Variants in SPATA17 observed in about 807,000 individuals in gnomAD.
SPATA17 encodes the protein spermatogenesis associated 17, also known as spermatogenesis-associated protein 17.
SPATA17 carries 53 observed loss-of-function variants against 62.2 expected under a neutral mutation model. That is an observed-to-expected ratio of 0.85 (90% CI 0.68 to 1.07). The LOEUF (loss-of-function observed/expected upper bound fraction) is 1.07, where lower values mean the gene tolerates loss of function less well. Ranked by LOEUF, SPATA17 falls within the 50% of genes least tolerant of loss-of-function variation. SPATA17 has a pLI of 0.00. For missense variants in SPATA17, 466 were observed against 425.5 expected (o/e 1.10, Z -0.84); for synonymous variants, 146 against 146.8 (o/e 0.99, Z 0.04).
intron 9 of SPATA17, among the ~76,000 whole-genome samples, chr1:217,838,089 A>G (rs977045665): frequency 6.6e-5 from 10 of 152,152 alleles, no homozygotes; most frequent in African/African-American, 2.4e-4. Flanking sequence ...TATTATAGAT[A>G]TCTTGGGTTA....
intron 3 of SPATA17, among the ~76,000 whole-genome samples, chr1:217,652,647 C>T (rs916556922): frequency 5.3e-5 from 8 of 152,066 alleles, no homozygotes; most frequent in Non-Finnish European, 7.4e-5. Context: ...TTCTGCTTAA[C>T]ATTTTGGAAA....
intron 8 of SPATA17, among the ~76,000 whole-genome samples, chr1:217,799,417 C>T (rs1571813240): frequency 6.6e-6 from 1 of 152,172 alleles, no homozygotes; most frequent in East Asian, 1.9e-4. Flanking sequence ...CGCAGCACCT[C>T]CTTTGTATAC....
At chr1:217,735,586 A>G (rs1469299097) in intron 5 of SPATA17, among the ~76,000 whole-genome samples, 1 of 152,186 alleles carries the variant, frequency 6.6e-6, no homozygotes, top group Non-Finnish European at 1.5e-5. Flanking sequence ...CATACCTACA[A>G]CTATAATGTG....
intron 5 of SPATA17, among the ~76,000 whole-genome samples, chr1:217,709,547 G>C (rs919568824): frequency 2.6e-5 from 4 of 152,174 alleles, no homozygotes; most frequent in Admixed American, 2.0e-4. Flanking sequence ...GAGCACCCAA[G>C]ATGGAAGCTA....
chr1:217,762,798 C>A lies in SPATA17; in HGVS notation c.520-11536C>A, dbSNP rs1051111454. Among the ~76,000 whole-genome samples, 22 of 152,226 alleles carry A rather than the reference C, an allele frequency of 1.4e-4. 1 individual carries two copies. The highest frequency in any genetic ancestry group is 2.6e-4 in the Non-Finnish European group (18 of 68,012). The stretch of plus-strand genomic sequence containing the variant: ...ACCAGCCTGGCCAACGTGGTGAAAC[C>A]CCATGTCTACTAAAAACACAAAAAT... On this transcript the variant is annotated intron_variant, in intron 6 of 10. Transcript: ENST00000366933.
intron 9 of SPATA17, among the ~76,000 whole-genome samples, chr1:217,858,462 A>G (rs920402333): frequency 4.6e-5 from 7 of 152,230 alleles, no homozygotes; most frequent in African/African-American, 1.4e-4. Context: ...ACAAAACAGA[A>G]TGAGTTAGCA....
intron 9 of SPATA17, among the ~76,000 whole-genome samples, chr1:217,805,851 T>C (rs1264734367): frequency 1.3e-5 from 2 of 152,214 alleles, no homozygotes; most frequent in East Asian, 3.9e-4. Flanking sequence ...ATTGTTAAAA[T>C]GTCCATACAA....
intron 8 of SPATA17, among the ~76,000 whole-genome samples, chr1:217,790,450 T>G (rs1285375246): frequency 6.6e-6 from 1 of 151,136 alleles, no homozygotes; most frequent in East Asian, 1.9e-4. Context: ...TCACTTTTAT[T>G]TTTTTTTTGA....
chr1:217,684,280 C>G (rs1173283486), intron 5 of SPATA17, among the ~76,000 whole-genome samples: 1 of 152,012 alleles, frequency 6.6e-6, no homozygotes, highest in Non-Finnish European at 1.5e-5. Context: ...ATGCCCCATT[C>G]TAATAACATA....
chr1:217,765,056 G>A (rs537365436), intron 6 of SPATA17, among the ~76,000 whole-genome samples: 175 of 152,144 alleles, frequency 1.2e-3, no homozygotes, highest in Non-Finnish European at 2.1e-3. Context: ...TGTGGGCATG[G>A]AGTCATTTAT....
chr1:217,640,480 G>A (rs532226829), intron 1 of SPATA17, among the ~76,000 whole-genome samples: 36 of 152,178 alleles, frequency 2.4e-4, no homozygotes, highest in Non-Finnish European at 4.9e-4. Context: ...ATTTTTAATA[G>A]CATCAAAATG....
At chr1:217,779,913 A>T (rs1419105365) in intron 7 of SPATA17, among the ~76,000 whole-genome samples, 1 of 152,120 alleles carries the variant, frequency 6.6e-6, no homozygotes, top group African/African-American at 2.4e-5. Context: ...GCAGAACATA[A>T]ATATATTTGA....
chr1:217,829,573 A>G (rs1160791151), intron 9 of SPATA17, among the ~76,000 whole-genome samples: 1 of 131,606 alleles, frequency 7.6e-6, no homozygotes, highest in Non-Finnish European at 1.6e-5. Context: ...GGTTGCAGTG[A>G]GCCGAGATTG....
chr1:217,688,460 C>G (rs573523076), intron 5 of SPATA17, among the ~76,000 whole-genome samples: 1 of 152,246 alleles, frequency 6.6e-6, no homozygotes, highest in South Asian at 2.1e-4. Context: ...TAAGAGAGAT[C>G]TCTTTTAAGT....
chr1:217,848,594 C>T (rs1675578897), intron 9 of SPATA17, among the ~76,000 whole-genome samples: 2 of 152,104 alleles, frequency 1.3e-5, no homozygotes, highest in Non-Finnish European at 2.9e-5. Flanking sequence ...TCTCCACACC[C>T]TGTAAAAATC....
rs933520020 is a variant in SPATA17, at chr1:217,732,869, G to A, written c.396-9106G>A. The stretch of plus-strand genomic sequence containing the variant: ...GTCATTATTAATTATTTGACATCAC[G>A]CATATATAAAATTTTACTTCCTTTT... On this transcript the variant is annotated intron_variant, in intron 5 of 10. Coordinates refer to ENST00000366933, the MANE Select transcript of SPATA17 (RefSeq NM_138796.4). 1.1e-4 allele frequency among the ~76,000 whole-genome samples: 16 copies of A among 151,956 alleles called. No homozygotes were observed. The Middle Eastern group carries it at 0.01, about 97-fold the overall frequency.
At chr1:217,700,645 G>C (rs773249565) in intron 5 of SPATA17, among the ~76,000 whole-genome samples, 2 of 151,392 alleles carry the variant, frequency 1.3e-5, no homozygotes, top group Non-Finnish European at 2.9e-5. Context: ...GGAGTGCAAT[G>C]GTGCGATCTC....
At chr1:217,850,947 G>A (rs1446701131) in intron 9 of SPATA17, among the ~76,000 whole-genome samples, 1 of 152,122 alleles carries the variant, frequency 6.6e-6, no homozygotes, top group Non-Finnish European at 1.5e-5. Flanking sequence ...GGCATTCAGG[G>A]TAGGGAAATT....
chr1:217,715,822 G>A (rs1205270086), intron 5 of SPATA17, among the ~76,000 whole-genome samples: 1 of 152,164 alleles, frequency 6.6e-6, no homozygotes, highest in South Asian at 2.1e-4. Context: ...TGTTCCCAGT[G>A]ATGATCATCA....
Sources: gnomAD v4.1 joint callset for allele counts (sites outside exome capture counted in the v4.1 genomes callset) on GRCh38, gnomAD v4.1.1 for gene constraint, MANE v1.5 for transcripts, NCBI Gene and HGNC (gene_info 2026-07-23, HGNC 2026-07-21) for gene names.